Variants in PHACTR1 observed in about 807,000 individuals in gnomAD.
The protein encoded by PHACTR1 is RPEL repeat containing 1.
PHACTR1 carries 16 observed loss-of-function variants against 69.2 expected under a neutral mutation model. The ratio of observed to expected loss-of-function variants is 0.23; its 90% confidence interval spans 0.16 to 0.35. PHACTR1 has a LOEUF of 0.35. Ranked by LOEUF, PHACTR1 falls within the 10% of genes least tolerant of loss-of-function variation. The probability of loss-of-function intolerance (pLI) is 1.00; values close to 1 mark genes in which losing one functional copy is unlikely to be tolerated. For missense variants in PHACTR1, 510 were observed against 734.7 expected, an observed-to-expected ratio of 0.69 and a Z score of 3.54; for synonymous variants, 312 against 284.5, an observed-to-expected ratio of 1.10 and a Z score of -0.97.
chr6:13,154,198 T>A (rs950000429), intron 5 of PHACTR1, among the ~76,000 whole-genome samples: 1 of 152,198 alleles, frequency 6.6e-6, no homozygotes, highest in South Asian at 2.1e-4. Flanking sequence ...GGAGTCTCAC[T>A]CTGTTGCCCA....
At chr6:13,186,148 A>G (rs111842614) in intron 7 of PHACTR1, among the ~76,000 whole-genome samples, 2,435 of 152,334 alleles carry the variant, frequency 0.016, 54 homozygotes, top group African/African-American at 0.053. Flanking sequence ...ACCATCTAAC[A>G]TATCAATAAC....
intron 4 of PHACTR1, among the ~76,000 whole-genome samples, chr6:12,785,535 G>T (rs566120243): frequency 8.5e-5 from 13 of 152,330 alleles, no homozygotes; most frequent in Admixed American, 8.5e-4. Flanking sequence ...GCTGAAGGGA[G>T]CAGAAAACCA....
intron 10 of PHACTR1, among the ~76,000 whole-genome samples, chr6:13,254,104 T>C (rs978388923): frequency 6.6e-6 from 1 of 152,172 alleles, no homozygotes; most frequent in African/African-American, 2.4e-5. Flanking sequence ...GGCACATGCC[T>C]GTAGTCCCAG....
At chr6:13,034,689 T>C (rs1383813040) in intron 4 of PHACTR1, among the ~76,000 whole-genome samples, 1 of 152,234 alleles carries the variant, frequency 6.6e-6, no homozygotes, top group Non-Finnish European at 1.5e-5. Context: ...ATGGCTTCTA[T>C]ATTTGCAAAT....
At chr6:13,217,642 T>C (rs912311114) in intron 8 of PHACTR1, among the ~76,000 whole-genome samples, 1 of 152,198 alleles carries the variant, frequency 6.6e-6, no homozygotes, top group Non-Finnish European at 1.5e-5. Flanking sequence ...CAAAATACAT[T>C]TTCTATTCAG....
At chr6:12,827,102 T>A (rs9349346) in intron 4 of PHACTR1, among the ~76,000 whole-genome samples, 71,350 of 152,134 alleles carry the variant, frequency 0.47, 19,782 homozygotes, top group East Asian at 0.81. Flanking sequence ...ATTGATTATT[T>A]AAGAAAACAA....
intron 10 of PHACTR1, among the ~76,000 whole-genome samples, chr6:13,233,602 C>T (rs1481777826): frequency 6.6e-6 from 1 of 152,122 alleles, no homozygotes; most frequent in East Asian, 1.9e-4. Flanking sequence ...GCTTATAAAA[C>T]CATCAGATCT....
At position 13,246,284 on chromosome 6, in the gene PHACTR1, C is replaced by T. The variant is rs779777158; in HGVS notation, c.1391+16091C>T. On this transcript the variant is annotated intron_variant, in intron 10 of 14. Coordinates refer to ENST00000332995, the MANE Select transcript of PHACTR1 (RefSeq NM_030948.6). The surrounding 1 kb of genome is among the most constrained non-coding windows in gnomAD (Gnocchi z 4.2). The stretch of plus-strand genomic sequence containing the variant: ...AAAAACATATTCAGTTATCAAAAGG[C>T]CCATGTAAAAGGAATCCTTGAATTC... 3.3e-5 allele frequency among the ~76,000 whole-genome samples: 5 copies of T among 152,122 alleles called. No homozygotes were observed. The highest frequency in any genetic ancestry group is 7.4e-5 in the Non-Finnish European group (5 of 68,022).
At chr6:13,001,602 T>C (rs1021094968) in intron 4 of PHACTR1, among the ~76,000 whole-genome samples, 11 of 152,208 alleles carry the variant, frequency 7.2e-5, no homozygotes, top group African/African-American at 2.7e-4. Flanking sequence ...ATTCAGTTTC[T>C]CCCAGAAAAG....
chr6:13,133,664 G>T (rs1362777428), intron 5 of PHACTR1, among the ~76,000 whole-genome samples: 1 of 152,062 alleles, frequency 6.6e-6, no homozygotes, highest in Non-Finnish European at 1.5e-5. Flanking sequence ...CCTCCCAGCC[G>T]CCTGCCTTGG....
chr6:13,248,305 C>A (rs1273777485), intron 10 of PHACTR1, among the ~76,000 whole-genome samples: 1 of 152,186 alleles, frequency 6.6e-6, no homozygotes, highest in Non-Finnish European at 1.5e-5. Flanking sequence ...ATAGCTTTGT[C>A]TAGGCAGAAA....
At chr6:12,838,833 C>T (rs948841874) in intron 4 of PHACTR1, among the ~76,000 whole-genome samples, 17 of 152,164 alleles carry the variant, frequency 1.1e-4, no homozygotes, top group African/African-American at 4.1e-4. Context: ...GTGAGTCAGC[C>T]TGGGCAGTTT....
intron 4 of PHACTR1, among the ~76,000 whole-genome samples, chr6:12,792,464 C>CAAAAAAAAAAAAAAAAAAAAAAAAA (rs60942588): frequency 3.2e-5 from 1 of 31,362 alleles, no homozygotes; most frequent in Non-Finnish European, 6.9e-5. Context: ...AACTCCATGT[C>CAAAAAAAAAAAAAAAAAAAAAAAAA]AAAAAAAAAA....
chr6:12,902,845 C>G (rs1278816243), intron 4 of PHACTR1, among the ~76,000 whole-genome samples: 2 of 152,160 alleles, frequency 1.3e-5, no homozygotes, highest in South Asian at 2.1e-4. Flanking sequence ...GCTGAACAAA[C>G]CCACACTGTC....
At chr6:12,894,106 A>G (rs927552413) in intron 4 of PHACTR1, among the ~76,000 whole-genome samples, 5 of 152,194 alleles carry the variant, frequency 3.3e-5, no homozygotes, top group African/African-American at 9.7e-5. Flanking sequence ...CAGTTGAATG[A>G]TTGGGCACAG....
At chr6:12,902,013 G>A (rs1321878866) in intron 4 of PHACTR1, among the ~76,000 whole-genome samples, 1 of 152,134 alleles carries the variant, frequency 6.6e-6, no homozygotes, top group Non-Finnish European at 1.5e-5. Context: ...GCTGGAGAAT[G>A]CTACTGGCAT....
intron 4 of PHACTR1, among the ~76,000 whole-genome samples, chr6:12,849,327 C>T (rs1374001427): frequency 6.6e-6 from 1 of 152,148 alleles, no homozygotes; most frequent in East Asian, 1.9e-4. Flanking sequence ...ATTCGGTCAG[C>T]CAGACCTTCG....
At chr6:13,278,108 A>G (rs1048331658) in intron 11 of PHACTR1, 160 bp from the exon 12 acceptor site, 1 of 596,798 alleles carries the variant, frequency 1.7e-6, no homozygotes, top group South Asian at 2.5e-5. Context: ...TTGGAAAGCA[A>G]TCCCCATAAG....
chr6:12,962,610 G>A (rs1792895713), intron 4 of PHACTR1, among the ~76,000 whole-genome samples: 1 of 152,158 alleles, frequency 6.6e-6, no homozygotes, highest in Non-Finnish European at 1.5e-5. Flanking sequence ...TAATCTCAAG[G>A]GAAAGGGAGG....
Sources: gnomAD v4.1 joint callset for allele counts (sites outside exome capture counted in the v4.1 genomes callset) on GRCh38, gnomAD v4.1.1 for gene constraint, Gnocchi (gnomAD v3.1) non-coding constraint, MANE v1.5 for transcripts, NCBI Gene and HGNC (gene_info 2026-07-23, HGNC 2026-07-21) for gene names.